CCDC171: variants seen among roughly 807,000 people sequenced by gnomAD.
The protein encoded by CCDC171 is coiled-coil domain containing 171.
Under a neutral mutation model 168.2 loss-of-function variants are expected in CCDC171, and 177 were observed. That is an observed-to-expected ratio of 1.05 (90% CI 0.93 to 1.19). The LOEUF (loss-of-function observed/expected upper bound fraction) is 1.19, where lower values mean the gene tolerates loss of function less well. CCDC171 is among the 50% of genes most tolerant of loss of function. The probability of loss-of-function intolerance (pLI) is 0.00; values close to 1 mark genes in which losing one functional copy is unlikely to be tolerated. For synonymous variants in CCDC171, 687 were observed against 540.8 expected (o/e 1.27, Z -3.75); for missense variants, 1,991 against 1,539.0 (o/e 1.29, Z -4.91).
At chr9:15,643,971 T>C (rs2046837266) in intron 7 of CCDC171, among the ~76,000 whole-genome samples, 1 of 152,242 alleles carries the variant, frequency 6.6e-6, no homozygotes, top group Admixed American at 6.5e-5. Flanking sequence ...GTTTATTCAT[T>C]CATTGGTTGA....
intron 25 of CCDC171, among the ~76,000 whole-genome samples, chr9:15,925,907 T>C (rs1242642465): frequency 6.7e-6 from 1 of 148,274 alleles, no homozygotes; most frequent in African/African-American, 2.4e-5. Flanking sequence ...CCTTATTGCA[T>C]AGACCATTTT....
At chr9:16,017,995 C>G (rs1833072232) in intron 3 of CCDC171, among the ~76,000 whole-genome samples, 1 of 152,158 alleles carries the variant, frequency 6.6e-6, no homozygotes, top group South Asian at 2.1e-4. Flanking sequence ...ACAAAACATG[C>G]CCTTATCTCA....
At chr9:15,768,400 C>G (rs2056846803) in intron 18 of CCDC171, among the ~76,000 whole-genome samples, 1 of 151,802 alleles carries the variant, frequency 6.6e-6, no homozygotes, top group Non-Finnish European at 1.5e-5. Flanking sequence ...TTTTTTTATC[C>G]CAGCCCCATT....
intron 11 of CCDC171, among the ~76,000 whole-genome samples, chr9:15,716,998 G>C (rs2053132055): frequency 6.6e-6 from 1 of 151,870 alleles, no homozygotes; most frequent in African/African-American, 2.4e-5. Flanking sequence ...AGTTACGTAG[G>C]CAAAAAAAAC....
At chr9:15,755,043 T>G (rs925718267) in intron 18 of CCDC171, among the ~76,000 whole-genome samples, 1 of 152,180 alleles carries the variant, frequency 6.6e-6, no homozygotes, top group East Asian at 1.9e-4. Flanking sequence ...ATTCTCTGAA[T>G]AGGATGACAT....
intron 16 of CCDC171, among the ~76,000 whole-genome samples, chr9:15,735,001 A>G (rs991001170): frequency 5.9e-5 from 9 of 152,236 alleles, no homozygotes; most frequent in Non-Finnish European, 2.9e-5. Context: ...AAGACACTAA[A>G]TTAAAGTAAA....
chr9:15,743,138 C>CTTTTTTTTTTTTTTTTTTTTTTTTT (rs66642691), intron 16 of CCDC171, among the ~76,000 whole-genome samples: 1 of 73,270 alleles, frequency 1.4e-5, no homozygotes, highest in Non-Finnish European at 2.5e-5. Context: ...CTGTTACCTT[C>CTTTTTTTTTTTTTTTTTTTTTTTTT]TTTTTTTTTT....
At chr9:15,636,973 C>T (rs766404895) in intron 7 of CCDC171, among the ~76,000 whole-genome samples, 2 of 150,198 alleles carry the variant, frequency 1.3e-5, no homozygotes, top group South Asian at 2.1e-4. Flanking sequence ...AAGAAAATAT[C>T]GGCTGGGCGT....
chr9:15,611,650 A>C (rs1395859869), intron 6 of CCDC171, among the ~76,000 whole-genome samples: 1 of 152,002 alleles, frequency 6.6e-6, no homozygotes, highest in Non-Finnish European at 1.5e-5. Flanking sequence ...TTTGCTTTTC[A>C]TATCGTCAGA....
rs79818176 is a variant in CCDC171, at chr9:15,842,281, A to G, written c.3268-4421A>G. ...TGGGGCTTGGTCTTCTTAGCGGCCT[A>G]ATGGTCTAAAGCACTGCTATACTGT... On this transcript the variant is annotated intron_variant, in intron 21 of 25. Coordinates refer to ENST00000380701, the MANE Select transcript of CCDC171 (RefSeq NM_173550.4). Among the ~76,000 whole-genome samples, 72 of 152,114 alleles carry G rather than the reference A, an allele frequency of 4.7e-4. No homozygotes were observed. In the East Asian group the frequency reaches 0.013, roughly 27 times the overall value.
At chr9:16,108,664 T>C in the CCDC171 span, among the ~76,000 whole-genome samples, 2 of 152,346 alleles carry the variant, frequency 1.3e-5, no homozygotes, top group Admixed American at 1.3e-4. Flanking sequence ...TAAACCTCCA[T>C]TCCACAAAGC....
chr9:15,961,854 A>C (rs1260565303), intron 25 of CCDC171, among the ~76,000 whole-genome samples: 3 of 152,234 alleles, frequency 2.0e-5, no homozygotes, highest in Non-Finnish European at 4.4e-5. Flanking sequence ...AGAGAAAAAA[A>C]CCCCAACAAT....
At chr9:15,850,106 G>A (rs1455713928) in intron 23 of CCDC171, 1 of 151,952 alleles carries the variant, frequency 6.6e-6, no homozygotes, top group Non-Finnish European at 1.5e-5. Flanking sequence ...TGCAGTGAAA[G>A]AGACATCTTT....
rs967540220 is a variant in CCDC171 at position 15,666,409 on chromosome 9, A to G, written c.1076+86A>G. Reference sequence around the variant, plus strand: ...AATATGAATGTATACTATGTATTTTAGATATAGCTCCCATTAATGTCAGTG... The same window carrying G: ...AATATGAATGTATACTATGTATTTTGGATATAGCTCCCATTAATGTCAGTG... On this transcript the variant is annotated intron_variant, in intron 9 of 25. Transcript: ENST00000380701. The G allele has an allele frequency of 7.8e-6, 7 of 901,582 alleles. No individual in the cohort carries two copies. In the African/African-American group the frequency reaches 1.2e-4, roughly 15 times the overall value. The allele number at this position is 901,582 out of a possible 1,614,324, so 55.8% of individuals were successfully genotyped here.
chr9:15,793,918 T>C (rs1300286349), intron 21 of CCDC171, among the ~76,000 whole-genome samples: 1 of 152,090 alleles, frequency 6.6e-6, no homozygotes, highest in East Asian at 1.9e-4. Flanking sequence ...GCATAGACAG[T>C]AATATTTATT....
At position 15,610,094 on chromosome 9, in the gene CCDC171, C is replaced by G. The variant is rs551089519; in HGVS notation, c.676-13173C>G. Among the ~76,000 whole-genome samples, 150 of 151,746 alleles carry G rather than the reference C, an allele frequency of 9.9e-4. 1 individual carries two copies. The highest frequency in any genetic ancestry group is 3.4e-3 in the Middle Eastern group (1 of 294). ...AGCTCATTCTTGTTATTTGATGATA[C>G]CTTTCTTAGTATATTCTCCTTGTTT... On this transcript the variant is annotated intron_variant, in intron 6 of 25. Transcript: ENST00000380701.
chr9:15,599,737 A>G (rs1448810696), intron 6 of CCDC171, among the ~76,000 whole-genome samples: 1 of 152,152 alleles, frequency 6.6e-6, no homozygotes, highest in Non-Finnish European at 1.5e-5. Context: ...AATATCCTGC[A>G]GAGTGTTCTC....
downstream of CCDC171, among the ~76,000 whole-genome samples, chr9:15,975,668 C>T (rs1831598624): frequency 2.0e-5 from 3 of 152,004 alleles, no homozygotes; most frequent in African/African-American, 7.3e-5. Flanking sequence ...CTATTACTTC[C>T]CAATGGAAAA....
At chr9:15,556,677 C>T (rs1261075187) in intron 1 of CCDC171, among the ~76,000 whole-genome samples, 1 of 151,782 alleles carries the variant, frequency 6.6e-6, no homozygotes, top group East Asian at 1.9e-4. Flanking sequence ...AAATTTTCTC[C>T]CATTCTGTAG....
Sources: gnomAD v4.1 joint callset for allele counts (sites outside exome capture counted in the v4.1 genomes callset) on GRCh38, gnomAD v4.1.1 for gene constraint, MANE v1.5 for transcripts, NCBI Gene and HGNC (gene_info 2026-07-23, HGNC 2026-07-21) for gene names.